The following FNBP1L variants were observed in gnomAD, a reference collection of about 807,000 sequenced individuals.
FNBP1L encodes the protein formin binding protein 1 like.
In FNBP1L, 36 loss-of-function variants were observed where a neutral mutation model predicts 91.2. That is an observed-to-expected ratio of 0.39 (90% CI 0.30 to 0.52). The LOEUF is 0.52. Ranked by LOEUF, FNBP1L falls within the 20% of genes least tolerant of loss-of-function variation. The probability of loss-of-function intolerance (pLI) is 0.66; values close to 1 mark genes in which losing one functional copy is unlikely to be tolerated. For missense variants in FNBP1L, 571 were observed against 732.1 expected (o/e 0.78, Z 2.54); for synonymous variants, 242 against 237.0 (o/e 1.02, Z -0.19).
chr1:93,467,985 C>A (rs145768590), intron 1 of FNBP1L, among the ~76,000 whole-genome samples: 2 of 152,146 alleles, frequency 1.3e-5, no homozygotes, highest in African/African-American at 4.8e-5. Context: ...CTCTCCTCCC[C>A]ACAATTCCTT....
intron 2 of FNBP1L, among the ~76,000 whole-genome samples, chr1:93,517,915 G>A (rs923308686): frequency 6.6e-6 from 1 of 152,298 alleles, no homozygotes; most frequent in East Asian, 1.9e-4. Flanking sequence ...CACTTAATGT[G>A]TCTGAGTCCT....
chr1:93,543,357 T>G (rs1672114409), intron 11 of FNBP1L, among the ~76,000 whole-genome samples: 1 of 152,202 alleles, frequency 6.6e-6, no homozygotes, highest in Non-Finnish European at 1.5e-5. Flanking sequence ...ATCAAAACTT[T>G]AAAAAATTTT....
chr1:93,540,443 T>G lies in FNBP1L; in HGVS notation c.1150-599T>G, dbSNP rs372279340. ...TATTAGGAAATGTGTACGGGAAACT[T>G]GAATCTGGATAACTCACTATTTTGA... On this transcript the variant is annotated intron_variant, in intron 10 of 16. Transcript: ENST00000271234. Among the ~76,000 whole-genome samples the G allele has an allele frequency of 2.6e-5, 4 of 152,248 alleles. No homozygotes were observed. In the South Asian group the frequency reaches 8.3e-4, roughly 32 times the overall value.
chr1:93,527,086 C>T (rs1671518215), intron 5 of FNBP1L, among the ~76,000 whole-genome samples: 1 of 152,002 alleles, frequency 6.6e-6, no homozygotes, highest in Non-Finnish European at 1.5e-5. Flanking sequence ...AATACCTGTA[C>T]AAAATAAAGC....
chr1:93,465,135 G>A (rs921380074), intron 1 of FNBP1L, among the ~76,000 whole-genome samples: 1 of 150,666 alleles, frequency 6.6e-6, no homozygotes, highest in Non-Finnish European at 1.5e-5. Flanking sequence ...GTTTTGCTCT[G>A]AGAGAATGTT....
At chr1:93,484,618 G>A (rs1163822638) in intron 1 of FNBP1L, among the ~76,000 whole-genome samples, 1 of 152,258 alleles carries the variant, frequency 6.6e-6, no homozygotes, top group Non-Finnish European at 1.5e-5. Context: ...TGTGAGGGTA[G>A]AGGAACTCCT....
intron 1 of FNBP1L, among the ~76,000 whole-genome samples, chr1:93,494,189 A>T (rs1043498858): frequency 2.4e-4 from 36 of 152,164 alleles, no homozygotes; most frequent in Admixed American, 6.5e-5. Context: ...TCAGGGAAAC[A>T]CTTCATTTAC....
intron 8 of FNBP1L, among the ~76,000 whole-genome samples, chr1:93,534,430 G>C (rs1671781555): frequency 6.6e-6 from 1 of 152,068 alleles, no homozygotes; most frequent in Non-Finnish European, 1.5e-5. Context: ...GTAGTCTTCA[G>C]ATGAATTTCA....
Position 93,536,407 on chromosome 1 carries a change from T to G in FNBP1L, c.1066T>G (p.Ser356Ala). The change falls in exon 10 of 17, where the codon TCC becomes GCC. Residue 356 changes from serine (S) to alanine (A), a missense_variant. Ser to Ala is a moderately conservative substitution (Grantham distance 99). Around this residue, in one of 5 missense-constraint regions of FNBP1L, gnomAD observed 150 missense variants for 155.9 expected, o/e 0.96. Transcript: ENST00000271234. ...TPNGSQFLTFSIEPVHYCMNE... is the reference protein window; with the variant it reads ...TPNGSQFLTFAIEPVHYCMNE... ...TAATGGGTCCCAGTTTCTCACATTCTCCATTGAGCCCGTGCATTATTGTAT... is the reference window on the plus strand; with the variant it reads ...TAATGGGTCCCAGTTTCTCACATTCGCCATTGAGCCCGTGCATTATTGTAT... 1 of 1,550,940 alleles carries G rather than the reference T, an allele frequency of 6.4e-7. No homozygotes were observed. Among genetic ancestry groups the G allele is most frequent in the Non-Finnish European group, 8.7e-7 (1 of 1,146,434 alleles).
At chr1:93,511,329 C>A (rs542991929) in intron 2 of FNBP1L, among the ~76,000 whole-genome samples, 28 of 152,198 alleles carry the variant, frequency 1.8e-4, no homozygotes. Flanking sequence ...GAATTTTCAA[C>A]CCAGAATTTC....
chr1:93,479,656 G>A (rs1570784411), intron 1 of FNBP1L, among the ~76,000 whole-genome samples: 2 of 152,214 alleles, frequency 1.3e-5, no homozygotes, highest in South Asian at 2.1e-4. Flanking sequence ...TCCTTGCTAG[G>A]AAAAGAATTT....
chr1:93,462,010 A>G (rs1668884866), intron 1 of FNBP1L, among the ~76,000 whole-genome samples: 1 of 152,198 alleles, frequency 6.6e-6, no homozygotes, highest in Non-Finnish European at 1.5e-5. Flanking sequence ...ATCACCTGCC[A>G]GAATGGAAGG....
intron 10 of FNBP1L, among the ~76,000 whole-genome samples, chr1:93,539,521 A>C (rs1671955398): frequency 6.6e-6 from 1 of 152,078 alleles, no homozygotes; most frequent in Non-Finnish European, 1.5e-5. Context: ...TAGCTGAAAC[A>C]TTTGATATTT....
chr1:93,485,346 G>C (rs1669863565), intron 1 of FNBP1L, among the ~76,000 whole-genome samples: 1 of 152,040 alleles, frequency 6.6e-6, no homozygotes. Context: ...ATTGTCCTAA[G>C]AACATATACT....
intron 2 of FNBP1L, among the ~76,000 whole-genome samples, chr1:93,510,955 T>A (rs1293555171): frequency 6.6e-6 from 1 of 152,004 alleles, no homozygotes; most frequent in African/African-American, 2.4e-5. Flanking sequence ...TGGGACTATG[T>A]GAAAAGACCA....
chr1:93,520,957 G>A (rs760974894), intron 2 of FNBP1L, among the ~76,000 whole-genome samples: 47 of 152,064 alleles, frequency 3.1e-4, no homozygotes, highest in Non-Finnish European at 3.2e-4. Flanking sequence ...CTGGAGAATC[G>A]CCTGAACCCC....
intron 1 of FNBP1L, among the ~76,000 whole-genome samples, chr1:93,484,483 G>A (rs1308127937): frequency 1.3e-5 from 2 of 152,194 alleles, no homozygotes; most frequent in Non-Finnish European, 1.5e-5. Context: ...GAATTTTCAT[G>A]TTAAAAATAT....
chr1:93,450,478 A>C (rs1277547211), intron 1 of FNBP1L, among the ~76,000 whole-genome samples: 1 of 152,240 alleles, frequency 6.6e-6, no homozygotes, highest in Non-Finnish European at 1.5e-5. Flanking sequence ...TTGGTGTCTG[A>C]AACTTAGATA....
chr1:93,536,900 C>T, intron 10 of FNBP1L, among the ~76,000 whole-genome samples: 1 of 151,832 alleles, frequency 6.6e-6, no homozygotes, highest in South Asian at 2.1e-4. Context: ...ATGTCAAGCT[C>T]AATTTTAATT....
Sources: allele counts gnomAD v4.1 joint callset (sites outside exome capture counted in the v4.1 genomes callset), GRCh38; gene constraint gnomAD v4.1.1; regional missense constraint gnomAD v4.1.1; transcripts MANE v1.5; gene names NCBI Gene and HGNC (gene_info 2026-07-23, HGNC 2026-07-21).